CFHR1: variants seen among roughly 807,000 people sequenced by gnomAD.
CFHR1 encodes the protein complement factor H related 1, also known as complement factor H-related protein 1.
A neutral mutation model predicts 30.4 loss-of-function variants in CFHR1; 22 were observed. The observed-to-expected ratio is 0.72, with a 90% CI of 0.52 to 1.03. The LOEUF is 1.03. Ranked by LOEUF, CFHR1 falls within the 50% of genes least tolerant of loss-of-function variation. CFHR1 has a pLI of 0.00. For missense variants in CFHR1, 248 were observed against 380.6 expected (o/e 0.65, Z 2.90); for synonymous variants, 95 against 129.1 (o/e 0.74, Z 1.79).
intron 1 of CFHR1, chr1:196,821,003 C>T (rs1215370089): frequency 7.4e-6 from 1 of 135,614 alleles, no homozygotes; most frequent in Non-Finnish European, 1.5e-5. Context: ...CGACGCCTGG[C>T]TAATTTTGTA....
chr1:196,826,973 G>T lies in CFHR1; in HGVS notation c.398G>T (p.Gly133Val), dbSNP rs1346760521. ...NENNISCVER[G>V]WSTPPKCRST... ...AACAACATTTCATGTGTAGAACGGG[G>T]CTGGTCCACCCCTCCCAAATGCAGG... Residue 133 changes from glycine to valine, a missense_variant, in exon 3 of 6, where the codon GGC becomes GTC. By Grantham distance (109) the Gly-to-Val change is moderately radical. Coordinates refer to ENST00000320493, the MANE Select transcript of CFHR1 (RefSeq NM_002113.3). 3.3e-5 allele frequency: 51 copies of T among 1,524,688 alleles called. 7 individuals are homozygous for T. Among genetic ancestry groups the T allele is most frequent in the Non-Finnish European group, 4.3e-5 (48 of 1,129,296 alleles). 94.4% of individuals were successfully genotyped at this position (1,524,688 alleles called of 1,614,324 possible). A position where few individuals can be genotyped will look rare whatever the true frequency, so the allele number is the denominator to read the frequency against.
chr1:196,823,101 ATGTG>A lies in CFHR1; in HGVS notation c.59-2346_59-2343del, dbSNP rs778697156. ...TACGACTGTATATATATATATATAT[ATGTG>A]TGTGTGTGTGTGTGTGTGTGTGTGT... On this transcript the variant is annotated intron_variant, in intron 1 of 5. Transcript: ENST00000320493. Among the ~76,000 whole-genome samples, 153 of 47,024 alleles carry A rather than the reference ATGTG, an allele frequency of 3.3e-3. 21 individuals carry two copies. Among genetic ancestry groups the A allele is most frequent in the Middle Eastern group, 0.018 (2 of 110 alleles). 30.8% of individuals were successfully genotyped at this position (47,024 alleles called of 152,430 possible). A position where few individuals can be genotyped will look rare whatever the true frequency, so the allele number is the denominator to read the frequency against.
At chr1:196,829,684 T>C (rs1270605902) in intron 4 of CFHR1, among the ~76,000 whole-genome samples, 1 of 135,456 alleles carries the variant, frequency 7.4e-6, no homozygotes, top group Non-Finnish European at 1.6e-5. Context: ...GTTGATCCCC[T>C]CAAGGAAAAG....
chr1:196,823,033 T>A (rs540007095), intron 1 of CFHR1, among the ~76,000 whole-genome samples: 1 of 132,842 alleles, frequency 7.5e-6, no homozygotes, highest in Admixed American at 7.3e-5. Context: ...GTCATATAAG[T>A]GATCAGTCAT....
chr1:196,830,510 A>G lies in CFHR1; in HGVS notation c.618A>G (p.Gly206=). Residue 206 remains glycine (G), a synonymous_variant, in exon 5 of 6, where the codon GGA becomes GGG. Transcript: ENST00000320493. The part of the protein sequence containing the change: ...TEPPQCKDST[G]KCGPPPPIDN... ...AATGATGTTTTTTAGATTCTACGGG[A>G]AAATGTGGGCCCCCTCCACCTATTG... The G allele has an allele frequency of 6.6e-7, 1 of 1,525,176 alleles. No individual in the cohort carries two copies. The highest frequency in any genetic ancestry group is 2.2e-5 in the East Asian group (1 of 44,600). 94.5% of individuals were successfully genotyped at this position (1,525,176 alleles called of 1,614,324 possible).
At chr1:196,824,318 C>T (rs1473084800) in intron 1 of CFHR1, among the ~76,000 whole-genome samples, 1 of 133,586 alleles carries the variant, frequency 7.5e-6, no homozygotes, top group African/African-American at 3.2e-5. Context: ...AGTTTAGTGG[C>T]ATGATCTCCG....
intron 1 of CFHR1, among the ~76,000 whole-genome samples, chr1:196,824,381 C>A (rs1655242038): frequency 7.5e-6 from 1 of 133,100 alleles, no homozygotes; most frequent in Admixed American, 7.3e-5. Context: ...CCTCAGCCTC[C>A]CAGGTAGCTG....
intron 5 of CFHR1, 73 bp downstream of exon 5, chr1:196,830,755 A>G (rs1655523277): frequency 6.8e-7 from 1 of 1,471,738 alleles, no homozygotes; most frequent in Non-Finnish European, 9.2e-7. Flanking sequence ...TGGTAACAAA[A>G]TAATCACAGA....
rs758750227 is a variant in CFHR1 at position 196,825,480 on chromosome 1, C to T, written c.62C>T (p.Thr21Ile). The T allele has an allele frequency of 2.7e-6, 4 of 1,479,712 alleles. No individual in the cohort carries two copies. The highest frequency in any genetic ancestry group is 3.5e-5 in the African/African-American group (2 of 56,788). 91.7% of individuals were successfully genotyped at this position (1,479,712 alleles called of 1,614,324 possible). A position where few individuals can be genotyped will look rare whatever the true frequency, so the allele number is the denominator to read the frequency against. ...CAGTTTTATGTTATTTTCCCAGCAA[C>T]ATTTTGTGATTTTCCAAAAATAAAC... Reference protein sequence around the residue: ...SRISSVGGEATFCDFPKINHG... With the variant: ...SRISSVGGEAIFCDFPKINHG... The change falls in exon 2 of 6, where the codon ACA (threonine) becomes ATA (isoleucine). Residue 21 changes from threonine to isoleucine, a missense_variant. Physicochemically the swap from Thr to Ile is moderately conservative, Grantham distance 89. Coordinates refer to ENST00000320493, the MANE Select transcript of CFHR1 (RefSeq NM_002113.3).
chr1:196,826,670 G>A lies in CFHR1; in HGVS notation c.254-159G>A, dbSNP rs780520497. Among the ~76,000 whole-genome samples, 4 of 134,178 alleles carry A rather than the reference G, an allele frequency of 3.0e-5. 1 individual carries two copies. The highest frequency in any genetic ancestry group is 9.6e-5 in the African/African-American group (3 of 31,098). 88.0% of individuals were successfully genotyped at this position (134,178 alleles called of 152,430 possible). A position where few individuals can be genotyped will look rare whatever the true frequency, so the allele number is the denominator to read the frequency against. On this transcript the variant is annotated intron_variant, in intron 2 of 5. Coordinates refer to ENST00000320493, the MANE Select transcript of CFHR1 (RefSeq NM_002113.3). ...TCACCATGTTGGCCAGGCAGGTCTC[G>A]AACTCCTGGCCTCAAGTGATCCACT...
rs772057910 is a variant in CFHR1 at position 196,825,534 on chromosome 1, A to G, written c.116A>G (p.Tyr39Cys). ...NHGILYDEEK[Y>C]KPFSQVPTGE... is the part of the protein sequence containing the mutation. Reference sequence around the variant, plus strand: ...GGAATTCTATATGATGAAGAAAAATATAAGCCATTTTCCCAGGTTCCTACA... The same window carrying G: ...GGAATTCTATATGATGAAGAAAAATGTAAGCCATTTTCCCAGGTTCCTACA... Residue 39 changes from tyrosine (Y) to cysteine (C), a missense_variant, in exon 2 of 6, where the codon TAT (tyrosine) becomes TGT (cysteine). Tyr to Cys is a radical substitution (Grantham distance 194). Transcript: ENST00000320493. 12 of 1,521,334 alleles carry G rather than the reference A, an allele frequency of 7.9e-6. 3 individuals carry two copies. The Admixed American group carries it at 1.9e-4, about 24-fold the overall frequency. The allele number at this position is 1,521,334 out of a possible 1,614,324, so 94.2% of individuals were successfully genotyped here. A position where few individuals can be genotyped will look rare whatever the true frequency, so the allele number is the denominator to read the frequency against.
chr1:196,826,139 G>A (rs1461592788), intron 2 of CFHR1: 1 of 144,722 alleles, frequency 6.9e-6, no homozygotes, highest in Non-Finnish European at 1.4e-5. Flanking sequence ...AATGTAGAGA[G>A]CAGACTCCAA....
At chr1:196,823,873 C>A (rs397093) in intron 1 of CFHR1, among the ~76,000 whole-genome samples, 1 of 132,080 alleles carries the variant, frequency 7.6e-6, no homozygotes, top group East Asian at 2.0e-4. Flanking sequence ...AGTGAGGGAG[C>A]TTATGCATGT....
At chr1:196,822,398 A>G (rs1159961307) in intron 1 of CFHR1, among the ~76,000 whole-genome samples, 1 of 133,472 alleles carries the variant, frequency 7.5e-6, no homozygotes, top group Admixed American at 7.3e-5. Flanking sequence ...ATCAACTTTA[A>G]TTTTTGTGTC....
rs1571378074 is a variant in CFHR1, at chr1:196,827,409, T to C, written c.430+404T>C. 1.5e-5 allele frequency among the ~76,000 whole-genome samples: 2 copies of C among 135,578 alleles called. 1 individual carries two copies. The highest frequency in any genetic ancestry group is 3.1e-5 in the Non-Finnish European group (2 of 64,414). The allele number at this position is 135,578 out of a possible 152,430, so 88.9% of individuals were successfully genotyped here. A position where few individuals can be genotyped will look rare whatever the true frequency, so the allele number is the denominator to read the frequency against. The stretch of plus-strand genomic sequence containing the variant: ...TTATCACTACACATGGACCTGAAAC[T>C]CTCTGATGAATTTTGCATTGTTCAG... On this transcript the variant is annotated intron_variant, in intron 3 of 5. Coordinates refer to ENST00000320493, the MANE Select transcript of CFHR1 (RefSeq NM_002113.3).
In CFHR1 at chr1:196,822,760, A is replaced by G. The variant is rs1372432618; in HGVS notation, c.59-2717A>G. Among the ~76,000 whole-genome samples the G allele has an allele frequency of 3.0e-5, 4 of 134,710 alleles. 1 individual carries two copies. Among genetic ancestry groups the G allele is most frequent in the African/African-American group, 9.6e-5 (3 of 31,324 alleles). 88.4% of individuals were successfully genotyped at this position (134,710 alleles called of 152,430 possible). ...GTTTTACAGTTAATTTTTTTAATCA[A>G]TAGAAGAAGTTAACTATAAAATACT... is the stretch of plus-strand genomic sequence containing the variant. On this transcript the variant is annotated intron_variant, in intron 1 of 5. Coordinates refer to ENST00000320493, the MANE Select transcript of CFHR1 (RefSeq NM_002113.3).
In CFHR1 at chr1:196,831,259, T is replaced by A. The variant is rs2336493; in HGVS notation, c.791-538T>A. ...CTGTTTTGATATATTTATGCTACAA[T>A]GATTACCACAAATTAATTAGCACAT... On this transcript the variant is annotated intron_variant, in intron 5 of 5. Transcript: ENST00000320493. Among the ~76,000 whole-genome samples, 13 of 136,500 alleles carry A rather than the reference T, an allele frequency of 9.5e-5. 1 individual carries two copies. The East Asian group carries it at 1.6e-3, about 16-fold the overall frequency. The allele number at this position is 136,500 out of a possible 152,430, so 89.5% of individuals were successfully genotyped here.
At chr1:196,824,294 C>A (rs1573147205) in intron 1 of CFHR1, among the ~76,000 whole-genome samples, 2 of 132,708 alleles carry the variant, frequency 1.5e-5, no homozygotes, top group East Asian at 3.9e-4. Flanking sequence ...CTTGCTCTGT[C>A]GCCCCCAGGC....
chr1:196,827,307 G>A (rs1655367082), intron 3 of CFHR1, among the ~76,000 whole-genome samples: 1 of 134,702 alleles, frequency 7.4e-6, no homozygotes, highest in Non-Finnish European at 1.6e-5. Flanking sequence ...TGTCGAAATA[G>A]AACCCTGAAT....
Sources: allele counts gnomAD v4.1 joint callset (sites outside exome capture counted in the v4.1 genomes callset), GRCh38; gene constraint gnomAD v4.1.1; transcripts MANE v1.5; gene names NCBI Gene and HGNC (gene_info 2026-07-23, HGNC 2026-07-21).